UNC13C: variants seen among roughly 807,000 people sequenced by gnomAD.
The protein encoded by UNC13C is unc-13 homolog C, also known as protein unc-13 homolog C.
In UNC13C, 174 loss-of-function variants were observed where a neutral mutation model predicts 245.4. That is an observed-to-expected ratio of 0.71 (90% CI 0.63 to 0.80). The LOEUF (loss-of-function observed/expected upper bound fraction) is 0.80. UNC13C is among the 30% of genes least tolerant of loss of function. The pLI is 0.00. For synonymous variants in UNC13C, 992 were observed against 895.1 expected, an observed-to-expected ratio of 1.11 and a Z score of -1.93; for missense variants, 2,829 against 2,602.9, an observed-to-expected ratio of 1.09 and a Z score of -1.89.
chr15:54,228,357 G>T (rs1411476705), intron 4 of UNC13C, among the ~76,000 whole-genome samples: 4 of 152,218 alleles, frequency 2.6e-5, no homozygotes, highest in East Asian at 3.9e-4. Context: ...CTGTGGCCAA[G>T]CTGGTACCTA....
the UNC13C span, among the ~76,000 whole-genome samples, chr15:53,846,700 C>G: frequency 1.3e-5 from 2 of 152,092 alleles, no homozygotes; most frequent in Admixed American, 1.3e-4. Context: ...AAAAAATTGT[C>G]CAGATTGTAC....
intron 2 of UNC13C, among the ~76,000 whole-genome samples, chr15:54,067,018 T>C (rs565245532): frequency 2.0e-5 from 3 of 152,252 alleles, no homozygotes; most frequent in African/African-American, 7.2e-5. Flanking sequence ...ACATGGCTTG[T>C]TTTGACAGTC....
Position 54,567,841 on chromosome 15 carries a change from C to A in UNC13C, c.6000C>A (p.Phe2000Leu). Residue 2000 changes from phenylalanine (F) to leucine (L), a missense_variant, in exon 30 of 33, where the codon TTC becomes TTA. Physicochemically the swap from Phe to Leu is conservative, Grantham distance 22. Coordinates refer to ENST00000260323, the MANE Select transcript of UNC13C (RefSeq NM_001080534.3). The stretch of plus-strand genomic sequence containing the variant: ...GAGGAAATGGCCTGAAAAAGAATTT[C>A]TTGGAGAAAAGCCCAGATCTTCAGT... ...HAGGNGLKKN[F>L]LEKSPDLQSL... The A allele has an allele frequency of 1.9e-6, 3 of 1,604,700 alleles. No individual in the cohort carries two copies. The highest frequency in any genetic ancestry group is 2.6e-6 in the Non-Finnish European group (3 of 1,174,976).
intron 13 of UNC13C, among the ~76,000 whole-genome samples, chr15:54,313,830 C>T (rs548140028): frequency 1.3e-5 from 2 of 151,716 alleles, no homozygotes; most frequent in South Asian, 4.2e-4. Flanking sequence ...TCTGTAGTCC[C>T]ATGTTCATTG....
At chr15:54,166,462 A>G (rs1357636105) in intron 4 of UNC13C, among the ~76,000 whole-genome samples, 2 of 108,430 alleles carry the variant, frequency 1.8e-5, no homozygotes, top group East Asian at 5.1e-4. Context: ...TTTCTGAACT[A>G]TTCATTTTCT....
At chr15:54,188,041 C>G (rs1015657025) in intron 4 of UNC13C, among the ~76,000 whole-genome samples, 1 of 152,068 alleles carries the variant, frequency 6.6e-6, no homozygotes, top group South Asian at 2.1e-4. Context: ...TGGTCTGGAA[C>G]TCCTAACCTC....
chr15:54,629,531 GAACTA>G (rs1901400392), downstream of UNC13C: 2 of 152,118 alleles, frequency 1.3e-5, no homozygotes, highest in Non-Finnish European at 2.9e-5. Context: ...AAATAAGGAT[GAACTA>G]ATGTATCTAC....
At position 54,236,578 on chromosome 15, in the gene UNC13C, T is replaced by C. The variant is rs1055456606; in HGVS notation, c.3156+143T>C. 1.7e-5 allele frequency: 11 copies of C among 657,926 alleles called. No homozygotes were observed. The African/African-American group carries it at 2.0e-4, about 12-fold the overall frequency. The allele number at this position is 657,926 out of a possible 1,614,324, so 40.8% of individuals were successfully genotyped here. On this transcript the variant is annotated intron_variant, in intron 6 of 32. Coordinates refer to ENST00000260323, the MANE Select transcript of UNC13C (RefSeq NM_001080534.3). The stretch of plus-strand genomic sequence containing the variant: ...ATAAGAAGTTTGTTCTGCAAGAATT[T>C]AACCTCTGGTTCAATTCTGAAAGAG...
intron 1 of UNC13C, among the ~76,000 whole-genome samples, chr15:53,989,527 C>T (rs1167558297): frequency 6.6e-6 from 1 of 151,996 alleles, no homozygotes; most frequent in East Asian, 1.9e-4. Flanking sequence ...TCTATTTCTT[C>T]TTTGGCAAAT....
intron 14 of UNC13C, among the ~76,000 whole-genome samples, chr15:54,330,284 T>C (rs1252717775): frequency 6.6e-6 from 1 of 152,086 alleles, no homozygotes; most frequent in Non-Finnish European, 1.5e-5. Flanking sequence ...GGTAGTATGG[T>C]AGCTGGGTCT....
At chr15:54,416,890 A>C (rs1216375721) in intron 19 of UNC13C, 1 of 456,348 alleles carries the variant, frequency 2.2e-6, no homozygotes, top group Non-Finnish European at 4.4e-6. Flanking sequence ...CTACAGTAAA[A>C]GTTTATTCCT....
chr15:54,122,578 C>A (rs1222526370), intron 2 of UNC13C, among the ~76,000 whole-genome samples: 1 of 151,836 alleles, frequency 6.6e-6, no homozygotes, highest in Non-Finnish European at 1.5e-5. Flanking sequence ...ATTTCACAAT[C>A]AAGATAGAAA....
chr15:53,974,657 T>G (rs1893641310), upstream of UNC13C, among the ~76,000 whole-genome samples: 1 of 152,206 alleles, frequency 6.6e-6, no homozygotes, highest in Non-Finnish European at 1.5e-5. Flanking sequence ...GCCTAAAATT[T>G]TACTTCTTAA....
intron 1 of UNC13C, among the ~76,000 whole-genome samples, chr15:54,011,546 T>C (rs771520794): frequency 1.3e-5 from 2 of 152,206 alleles, no homozygotes; most frequent in African/African-American, 2.4e-5. Flanking sequence ...AGATGTCACA[T>C]AGGAGTATAA....
intron 2 of UNC13C, among the ~76,000 whole-genome samples, chr15:54,131,542 G>T (rs936224610): frequency 6.6e-6 from 1 of 152,156 alleles, no homozygotes; most frequent in Admixed American, 6.5e-5. Flanking sequence ...TATGAATTCT[G>T]CTTTGTCCTT....
At chr15:54,214,672 T>C (rs1206447338) in intron 4 of UNC13C, among the ~76,000 whole-genome samples, 1 of 151,972 alleles carries the variant, frequency 6.6e-6, no homozygotes, top group East Asian at 1.9e-4. Context: ...TCTTTGCTGT[T>C]GGAGATTTGA....
the UNC13C span, among the ~76,000 whole-genome samples, chr15:53,920,877 T>C: frequency 2.0e-5 from 3 of 150,324 alleles, no homozygotes; most frequent in African/African-American, 7.4e-5. Context: ...AATCAAATAA[T>C]TGGACAAATA....
intron 2 of UNC13C, among the ~76,000 whole-genome samples, chr15:54,037,210 C>G (rs1196835899): frequency 6.6e-6 from 1 of 152,202 alleles, no homozygotes; most frequent in African/African-American, 2.4e-5. Context: ...TTTCTAGTGT[C>G]TACATAATTT....
At chr15:54,075,633 G>A (rs909008761) in intron 2 of UNC13C, among the ~76,000 whole-genome samples, 30 of 149,272 alleles carry the variant, frequency 2.0e-4, no homozygotes, top group African/African-American at 7.4e-4. Flanking sequence ...TGTCCAGTAT[G>A]TCAGACTTCT....
Sources: allele counts gnomAD v4.1 joint callset (sites outside exome capture counted in the v4.1 genomes callset), GRCh38; gene constraint gnomAD v4.1.1; transcripts MANE v1.5; gene names NCBI Gene and HGNC (gene_info 2026-07-23, HGNC 2026-07-21).